The following PRELID2 variants were observed in gnomAD, a reference collection of about 807,000 sequenced individuals.
PRELID2 encodes the protein PRELI domain containing 2.
Under a neutral mutation model 28.4 loss-of-function variants are expected in PRELID2, and 25 were observed. The observed-to-expected ratio is 0.88, with a 90% CI of 0.64 to 1.23. The LOEUF (loss-of-function observed/expected upper bound fraction) is 1.23, where lower values mean the gene tolerates loss of function less well. Among genes scored for constraint, PRELID2 ranks in the 50% most tolerant of loss-of-function variants. The pLI is 0.00. For synonymous variants in PRELID2, 76 were observed against 71.6 expected (o/e 1.06, Z -0.31); for missense variants, 201 against 214.4 (o/e 0.94, Z 0.39).
chr5:145,628,742 G>A (rs1430951721), intron 1 of PRELID2, among the ~76,000 whole-genome samples: 2 of 152,092 alleles, frequency 1.3e-5, no homozygotes, highest in East Asian at 3.9e-4. Context: ...GTTATTAACT[G>A]AGCATTTTAT....
At chr5:145,805,319 A>G (rs960371299) in intron 4 of PRELID2, among the ~76,000 whole-genome samples, 5 of 152,198 alleles carry the variant, frequency 3.3e-5, no homozygotes, top group African/African-American at 1.2e-4. Context: ...CTAGATAGCC[A>G]GAATATTAAC....
At chr5:145,649,972 A>G (rs1754261141) in intron 1 of PRELID2, among the ~76,000 whole-genome samples, 1 of 152,166 alleles carries the variant, frequency 6.6e-6, no homozygotes, top group Non-Finnish European at 1.5e-5. Context: ...TGAGTATTAT[A>G]TATTACACAT....
At chr5:145,583,641 T>C (rs995825195) in intron 1 of PRELID2, among the ~76,000 whole-genome samples, 2 of 151,766 alleles carry the variant, frequency 1.3e-5, no homozygotes, top group African/African-American at 4.8e-5. Flanking sequence ...TCCTATACAC[T>C]AGCAACAGGC....
chr5:145,310,059 T>C, the PRELID2 span, among the ~76,000 whole-genome samples: 1 of 152,226 alleles, frequency 6.6e-6, no homozygotes, highest in Non-Finnish European at 1.5e-5. Flanking sequence ...CTTGGACAAG[T>C]TAGTCTGTCT....
the PRELID2 span, among the ~76,000 whole-genome samples, chr5:145,232,331 T>A: frequency 6.6e-6 from 1 of 152,162 alleles, no homozygotes; most frequent in African/African-American, 2.4e-5. Context: ...ACTTGACAAA[T>A]GAAGAAACTG....
the PRELID2 span, among the ~76,000 whole-genome samples, chr5:145,388,854 T>G: frequency 6.6e-6 from 1 of 152,136 alleles, no homozygotes; most frequent in South Asian, 2.1e-4. Context: ...CCATCATGAT[T>G]TTTCCGTCAA....
chr5:145,551,478 C>G (rs758769853), intron 1 of PRELID2, among the ~76,000 whole-genome samples: 1 of 152,156 alleles, frequency 6.6e-6, no homozygotes, highest in Non-Finnish European at 1.5e-5. Flanking sequence ...TCTAACAACT[C>G]TTTTGTGCTC....
the PRELID2 span, among the ~76,000 whole-genome samples, chr5:145,252,756 G>A: frequency 5.3e-5 from 8 of 152,040 alleles, no homozygotes; most frequent in Admixed American, 2.6e-4. Context: ...AGTTTAGAAA[G>A]ACGTAAAAGT....
the PRELID2 span, among the ~76,000 whole-genome samples, chr5:145,442,204 A>G: frequency 1.3e-5 from 2 of 152,126 alleles, no homozygotes; most frequent in Admixed American, 6.6e-5. Flanking sequence ...ATCAAGACAG[A>G]ACACAAACAA....
the PRELID2 span, among the ~76,000 whole-genome samples, chr5:145,421,144 A>G: frequency 1.3e-5 from 2 of 151,886 alleles, no homozygotes; most frequent in African/African-American, 4.9e-5. Context: ...CTAGTATTTT[A>G]TTGAGGATTT....
At chr5:145,346,903 C>T in the PRELID2 span, among the ~76,000 whole-genome samples, 1 of 152,140 alleles carries the variant, frequency 6.6e-6, no homozygotes, top group African/African-American at 2.4e-5. Flanking sequence ...AATAAATTAA[C>T]TGTGAGCATC....
intron 1 of PRELID2, among the ~76,000 whole-genome samples, chr5:145,834,094 A>G (rs1273882600): frequency 6.6e-6 from 1 of 152,234 alleles, no homozygotes; most frequent in Admixed American, 6.5e-5. Context: ...AGGGCTCCTC[A>G]GTATTGAGGA....
chr5:145,668,114 C>T (rs1754631656), intron 1 of PRELID2, among the ~76,000 whole-genome samples: 1 of 152,080 alleles, frequency 6.6e-6, no homozygotes, highest in Non-Finnish European at 1.5e-5. Flanking sequence ...TTGATCTGCA[C>T]ATTCAAGAAA....
At chr5:145,632,729 G>A (rs1373667486) in intron 1 of PRELID2, among the ~76,000 whole-genome samples, 1 of 152,174 alleles carries the variant, frequency 6.6e-6, no homozygotes, top group Non-Finnish European at 1.5e-5. Context: ...TCCCTTGAGA[G>A]TGAGTTGGAC....
chr5:145,508,041 C>T (rs1752426843), intron 1 of PRELID2, among the ~76,000 whole-genome samples: 1 of 152,062 alleles, frequency 6.6e-6, no homozygotes, highest in South Asian at 2.1e-4. Flanking sequence ...GTATTGTCCT[C>T]CCATGTTCAT....
chr5:145,357,689 T>C, the PRELID2 span, among the ~76,000 whole-genome samples: 6 of 152,298 alleles, frequency 3.9e-5, no homozygotes, highest in Admixed American at 3.3e-4. Context: ...GTTTTGACTT[T>C]CTCCTGAATG....
intron 1 of PRELID2, among the ~76,000 whole-genome samples, chr5:145,645,201 C>A (rs1171249348): frequency 6.6e-6 from 1 of 152,020 alleles, no homozygotes; most frequent in Non-Finnish European, 1.5e-5. Flanking sequence ...GGGTGCACCT[C>A]TATTGGGTGC....
At chr5:145,425,583 G>T in the PRELID2 span, among the ~76,000 whole-genome samples, 1 of 152,094 alleles carries the variant, frequency 6.6e-6, no homozygotes, top group Non-Finnish European at 1.5e-5. Context: ...CCATAAAAAA[G>T]AACAAGATTA....
chr5:145,484,679 A>G (rs966028768), intron 1 of PRELID2, among the ~76,000 whole-genome samples: 3 of 152,198 alleles, frequency 2.0e-5, no homozygotes, highest in Admixed American at 6.5e-5. Flanking sequence ...ATGGTACTCA[A>G]CTGGACACTA....
Sources: gnomAD v4.1 joint callset for allele counts (sites outside exome capture counted in the v4.1 genomes callset) on GRCh38, gnomAD v4.1.1 for gene constraint, MANE v1.5 for transcripts, NCBI Gene and HGNC (gene_info 2026-07-23, HGNC 2026-07-21) for gene names.